Variants in RYR2 observed in about 807,000 individuals in gnomAD.
The protein encoded by RYR2 is cardiac muscle ryanodine receptor-calcium release channel.
Under a neutral mutation model 601.1 loss-of-function variants are expected in RYR2, and 227 were observed. That is an observed-to-expected ratio of 0.38 (90% CI 0.34 to 0.42). The LOEUF is 0.42. Among genes scored for constraint, RYR2 ranks in the 10% least tolerant of loss-of-function variants. The pLI is 1.00. For missense variants in RYR2, 4,646 were observed against 6,156.5 expected (o/e 0.75, Z 8.21); for synonymous variants, 2,223 against 2,175.1 (o/e 1.02, Z -0.61).
At chr1:237,832,210 TG>T (rs1281915938) in intron 104 of RYR2, among the ~76,000 whole-genome samples, 4 of 142,810 alleles carry the variant, frequency 2.8e-5, no homozygotes, top group African/African-American at 5.1e-5. Context: ...GGCTTTTTTT[TG>T]TGTTTTTTTT....
chr1:237,636,008 T>C (rs901229007), intron 44 of RYR2, among the ~76,000 whole-genome samples: 1 of 148,128 alleles, frequency 6.8e-6, no homozygotes. Context: ...CCATGCTGTG[T>C]AAAACTGAAA....
At chr1:237,650,245 G>C (rs1003969016) in intron 50 of RYR2, 148 bp downstream of exon 50, 2 of 738,326 alleles carry the variant, frequency 2.7e-6, no homozygotes, top group Non-Finnish European at 4.4e-6. Context: ...TGAGGTATGA[G>C]TCTTCTCTGA....
rs1553515461 is a variant in RYR2 at position 237,591,813 on chromosome 1, A to G, written c.4235A>G (p.Asp1412Gly). The change falls in exon 32 of 105, where the codon GAT becomes GGT. Residue 1412 changes from aspartate (D) to glycine (G), a missense_variant. Coordinates refer to ENST00000366574, the MANE Select transcript of RYR2 (RefSeq NM_001035.3). The part of the protein sequence containing the change: ...SARLTEDVLA[D>G]DRDDYDFLMQ... ...AGACTCACCGAAGATGTCCTTGCTG[A>G]TGATCGGGATGACTATGATTTCTTG... 4 of 1,613,606 alleles carry G rather than the reference A, an allele frequency of 2.5e-6. No homozygotes were observed. Among genetic ancestry groups the G allele is most frequent in the Non-Finnish European group, 3.4e-6 (4 of 1,179,772 alleles).
intron 36 of RYR2, among the ~76,000 whole-genome samples, chr1:237,613,528 G>A (rs1046004200): frequency 2.6e-5 from 4 of 152,110 alleles, no homozygotes; most frequent in African/African-American, 4.8e-5. Context: ...GTACAGTGGC[G>A]CGATCTCGGC....
chr1:237,709,089 A>C lies in RYR2; in HGVS notation c.10133A>C (p.Asp3378Ala), dbSNP rs776998113. 6.3e-7 allele frequency: 1 copy of C among 1,576,382 alleles called. No homozygotes were observed. Among genetic ancestry groups the C allele is most frequent in the South Asian group, 1.2e-5 (1 of 85,724 alleles). ...TACCCTCTCTTGATTAGATTTGTGG[A>C]CTATAACAGGTATGATCAAAAGTAA... is the stretch of plus-strand genomic sequence containing the variant. ...AFYPLLIRFV[D>A]YNRAKWLKEP... The change falls in exon 69 of 105, where the codon GAC (aspartate) becomes GCC (alanine). Residue 3378 changes from aspartate to alanine, a missense_variant. Transcript: ENST00000366574.
intron 56 of RYR2, among the ~76,000 whole-genome samples, chr1:237,661,454 C>T (rs1831688): frequency 0.013 from 1,904 of 152,078 alleles, 37 homozygotes; most frequent in African/African-American, 0.044. Flanking sequence ...ATGTAACAAA[C>T]CTGCACGTTC....
chr1:237,648,366 A>T, intron 48 of RYR2, 78 bp from the exon 49 acceptor site: 2 of 1,204,730 alleles, frequency 1.7e-6, no homozygotes, highest in Non-Finnish European at 2.2e-6. Context: ...AAATGTAAGA[A>T]GTCTAGAAAG....
chr1:237,156,280 C>G (rs1675321310), intron 1 of RYR2, among the ~76,000 whole-genome samples: 1 of 152,218 alleles, frequency 6.6e-6, no homozygotes, highest in Admixed American at 6.5e-5. Context: ...CTAAATGCCA[C>G]CAAATTGTAC....
chr1:237,638,265 AT>A, intron 44 of RYR2, 91 bp from the exon 45 acceptor site: 2 of 1,546,402 alleles, frequency 1.3e-6, no homozygotes, highest in Non-Finnish European at 1.8e-6. Flanking sequence ...GTTTAAAAGC[AT>A]CCTTTAAGGA....
chr1:237,419,253 A>T (rs1705317157), intron 11 of RYR2, among the ~76,000 whole-genome samples: 1 of 152,006 alleles, frequency 6.6e-6, no homozygotes, highest in Admixed American at 6.6e-5. Context: ...TTAAAGAAAT[A>T]TTTATCTTTT....
intron 80 of RYR2, among the ~76,000 whole-genome samples, chr1:237,743,359 T>C (rs1691784730): frequency 6.6e-6 from 1 of 152,196 alleles, no homozygotes; most frequent in South Asian, 2.1e-4. Flanking sequence ...CCCATGACTA[T>C]TGCTGGCTGA....
intron 1 of RYR2, among the ~76,000 whole-genome samples, chr1:237,168,918 G>C (rs1234955559): frequency 6.6e-6 from 1 of 152,068 alleles, no homozygotes; most frequent in South Asian, 2.1e-4. Context: ...GAAACAATAT[G>C]GTTATTGGTG....
At chr1:237,537,305 C>T (rs1024333134) in intron 25 of RYR2, among the ~76,000 whole-genome samples, 2 of 152,078 alleles carry the variant, frequency 1.3e-5, no homozygotes, top group African/African-American at 4.8e-5. Context: ...CCATCAATCC[C>T]TATACAGTTG....
intron 29 of RYR2, among the ~76,000 whole-genome samples, chr1:237,574,666 A>T (rs988634109): frequency 6.6e-6 from 1 of 152,150 alleles, no homozygotes; most frequent in Non-Finnish European, 1.5e-5. Flanking sequence ...AGAGAGCAAC[A>T]TGATGGTAAC....
intron 1 of RYR2, among the ~76,000 whole-genome samples, chr1:237,122,795 T>TC (rs1287251455): frequency 3.9e-5 from 6 of 152,236 alleles, no homozygotes; most frequent in Non-Finnish European, 8.8e-5. Context: ...TCCAGGGTAC[T>TC]ACTTTTTGTG....
chr1:237,341,537 C>A, intron 3 of RYR2: 1 of 433,878 alleles, frequency 2.3e-6, no homozygotes, highest in Non-Finnish European at 4.7e-6. Flanking sequence ...CTGTTTATTG[C>A]CTTCCTATCC....
At chr1:237,405,943 G>A (rs1418554830) in intron 10 of RYR2, among the ~76,000 whole-genome samples, 1 of 134,140 alleles carries the variant, frequency 7.5e-6, no homozygotes, top group Non-Finnish European at 1.7e-5. Flanking sequence ...CAACCACTGA[G>A]GTATTCTTGC....
At chr1:237,661,678 G>T (rs1023916242) in intron 56 of RYR2, among the ~76,000 whole-genome samples, 1 of 152,266 alleles carries the variant, frequency 6.6e-6, no homozygotes, top group Middle Eastern at 3.4e-3. Context: ...TCATGATCCA[G>T]ATTTAGAAGG....
chr1:237,300,099 C>T (rs16835116), intron 2 of RYR2, among the ~76,000 whole-genome samples: 62,542 of 151,834 alleles, frequency 0.41, 13,308 homozygotes, highest in African/African-American at 0.51. Context: ...TTGTTTGAAT[C>T]GGTACAAGTC....
Sources: gnomAD v4.1 joint callset for allele counts (sites outside exome capture counted in the v4.1 genomes callset) on GRCh38, gnomAD v4.1.1 for gene constraint, MANE v1.5 for transcripts, NCBI Gene and HGNC (gene_info 2026-07-23, HGNC 2026-07-21) for gene names.